The following POU1F1 variants were observed in gnomAD, a reference collection of about 807,000 sequenced individuals.
POU1F1 encodes the protein POU class 1 homeobox 1, also known as pituitary-specific positive transcription factor 1.
Under a neutral mutation model 32.3 loss-of-function variants are expected in POU1F1, and 23 were observed. That is an observed-to-expected ratio of 0.71 (90% CI 0.51 to 1.01). The LOEUF (loss-of-function observed/expected upper bound fraction) is 1.01, where lower values mean the gene tolerates loss of function less well. POU1F1 is among the 50% of genes least tolerant of loss of function. The pLI is 0.00. For synonymous variants in POU1F1, 120 were observed against 115.6 expected (o/e 1.04, Z -0.25); for missense variants, 323 against 341.6 (o/e 0.95, Z 0.43).
chr3:87,262,995 A>G (rs750479740), intron 3 of POU1F1, among the ~76,000 whole-genome samples: 3 of 152,194 alleles, frequency 2.0e-5, no homozygotes, highest in Non-Finnish European at 2.9e-5. Context: ...ACCTAAGGCT[A>G]TATACCTATA....
rs1225439995 is a variant in POU1F1 at position 87,276,534 on chromosome 3, A to G, written c.-72T>C. ...CAGAGTTTTATTATATTACTGTCTC[A>G]AAGGGCCGATTCAATTCTCACTACC... is the stretch of plus-strand genomic sequence containing the variant. On this transcript the variant is annotated 5_prime_UTR_variant, in exon 1 of 6. It removes the in-frame stop codon of an upstream open reading frame in the 5' UTR. Coordinates refer to ENST00000350375, the MANE Select transcript of POU1F1 (RefSeq NM_000306.4). 6.5e-7 allele frequency: 1 copy of G among 1,543,048 alleles called. No individual in the cohort carries two copies. The highest frequency in any genetic ancestry group is 1.4e-5 in the African/African-American group (1 of 73,142).
Position 87,259,935 on chromosome 3 carries a change from T to C in POU1F1, c.835A>G (p.Ser279Gly). The C allele has an allele frequency of 6.2e-7, 1 of 1,614,114 alleles. No homozygotes were observed. Among genetic ancestry groups the C allele is most frequent in the Middle Eastern group, 1.7e-4 (1 of 6,060 alleles). The part of the protein sequence containing the change: ...EKRVKTSLNQ[S>G]LFSISKEHLE... ...TGTTCCTTAGAAATAGAAAATAAAC[T>C]CTGATTCAGACTTGTTTTCACCCGT... The change falls in exon 6 of 6, where the codon AGT (serine) becomes GGT (glycine). Residue 279 changes from serine to glycine, a missense_variant. Ser to Gly is a moderately conservative substitution (Grantham distance 56). Transcript: ENST00000350375.
intron 2 of POU1F1, among the ~76,000 whole-genome samples, chr3:87,270,328 A>T (rs1012818999): frequency 3.3e-5 from 5 of 152,182 alleles, no homozygotes; most frequent in Non-Finnish European, 7.3e-5. Flanking sequence ...TCACTTGAAC[A>T]ATGTTAGTAA....
At chr3:87,262,986 C>A (rs887721711) in intron 3 of POU1F1, among the ~76,000 whole-genome samples, 8 of 152,016 alleles carry the variant, frequency 5.3e-5, no homozygotes, top group African/African-American at 1.9e-4. Flanking sequence ...TATTTCAGGA[C>A]CTAAGGCTAT....
In POU1F1 at chr3:87,264,341, A is replaced by T. The variant is rs928420971; in HGVS notation, c.386T>A (p.Ile129Asn). Reference protein sequence around the residue: ...EEPIDMDSPEIRELEKFANEF... With the variant: ...EEPIDMDSPENRELEKFANEF... ...ATTGGCAAACTTTTCAAGTTCTCTG[A>T]TTTCTGGAGAATCCATGTCTATTGG... The change falls in exon 3 of 6, where the codon ATC becomes AAC. Residue 129 changes from isoleucine to asparagine, a missense_variant. Ile to Asn is a moderately radical substitution (Grantham distance 149, BLOSUM62 -3). Transcript: ENST00000350375. 6.2e-7 allele frequency: 1 copy of T among 1,613,794 alleles called. No homozygotes were observed. The highest frequency in any genetic ancestry group is 8.5e-7 in the Non-Finnish European group (1 of 1,179,884).
chr3:87,273,144 CG>C (rs1033751234), intron 2 of POU1F1, among the ~76,000 whole-genome samples: 3 of 151,576 alleles, frequency 2.0e-5, no homozygotes, highest in African/African-American at 4.9e-5. Context: ...TTCAGAGATA[CG>C]TAAGTAGGGA....
At chr3:87,267,356 A>G (rs1313084571) in intron 2 of POU1F1, among the ~76,000 whole-genome samples, 10 of 152,232 alleles carry the variant, frequency 6.6e-5, no homozygotes, top group Non-Finnish European at 1.3e-4. Context: ...CCAACGAATT[A>G]ACTTTGCAGT....
intron 1 of POU1F1, among the ~76,000 whole-genome samples, chr3:87,275,820 A>G (rs1706815194): frequency 6.6e-6 from 1 of 151,970 alleles, no homozygotes; most frequent in African/African-American, 2.4e-5. Context: ...TGTTAATTAA[A>G]ACTCTATTTT....
chr3:87,261,736 A>C (rs1706517826), intron 4 of POU1F1, among the ~76,000 whole-genome samples: 1 of 152,182 alleles, frequency 6.6e-6, no homozygotes, highest in Non-Finnish European at 1.5e-5. Flanking sequence ...TAATATTAGG[A>C]TACAAATGTG....
intron 2 of POU1F1, 121 bp from the exon 3 acceptor site, chr3:87,264,633 A>G: frequency 1.3e-6 from 1 of 766,786 alleles, no homozygotes; most frequent in Non-Finnish European, 2.2e-6. Flanking sequence ...CAGTACTTAC[A>G]AGGTTACCTT....
chr3:87,265,777 G>T (rs765660144), intron 2 of POU1F1, among the ~76,000 whole-genome samples: 1 of 151,916 alleles, frequency 6.6e-6, no homozygotes, highest in Admixed American at 6.6e-5. Context: ...TAAGGTAGAA[G>T]ATGTGCCTAG....
At position 87,261,314 on chromosome 3, in the gene POU1F1, C is replaced by T; in HGVS notation, c.624G>A (p.Val208=). 1 of 1,592,754 alleles carries T rather than the reference C, an allele frequency of 6.3e-7. No individual in the cohort carries two copies. The highest frequency in any genetic ancestry group is 8.6e-7 in the Non-Finnish European group (1 of 1,164,910). Reference sequence around the variant, plus strand: ...GTTTTCTTTTCCTTTCATTTGCTCCCACTTTTTCATTGTACAAAGCTATAA... The same window carrying T: ...GTTTTCTTTTCCTTTCATTTGCTCCTACTTTTTCATTGTACAAAGCTATAA... ...EQVGALYNEK[V]GANERKRKRR... is the part of the protein sequence containing the mutation. The change falls in exon 5 of 6, where the codon GTG becomes GTA. Residue 208 remains valine (V), a synonymous_variant. Coordinates refer to ENST00000350375, the MANE Select transcript of POU1F1 (RefSeq NM_000306.4).
chr3:87,271,906 A>G (rs955233025), intron 2 of POU1F1, among the ~76,000 whole-genome samples: 3 of 152,186 alleles, frequency 2.0e-5, no homozygotes, highest in African/African-American at 4.8e-5. Context: ...GTTGCTTGAT[A>G]GAATGTAGGA....
intron 2 of POU1F1, among the ~76,000 whole-genome samples, chr3:87,270,915 T>C (rs1196995313): frequency 6.6e-6 from 1 of 152,106 alleles, no homozygotes; most frequent in Admixed American, 6.6e-5. Flanking sequence ...TATGTCCCAA[T>C]ATAGACATTC....
intron 2 of POU1F1, among the ~76,000 whole-genome samples, chr3:87,268,027 T>A (rs1287726034): frequency 6.6e-6 from 1 of 150,714 alleles, no homozygotes; most frequent in Non-Finnish European, 1.5e-5. Flanking sequence ...AGGTTTGGCA[T>A]CCAGAACAAG....
chr3:87,266,499 T>A (rs1032883562), intron 2 of POU1F1, among the ~76,000 whole-genome samples: 2 of 151,152 alleles, frequency 1.3e-5, no homozygotes, highest in African/African-American at 4.8e-5. Flanking sequence ...TAAATTTATC[T>A]GCTCTAAAGC....
intron 1 of POU1F1, among the ~76,000 whole-genome samples, chr3:87,274,214 A>C (rs752931848): frequency 3.3e-5 from 5 of 152,176 alleles, no homozygotes; most frequent in Non-Finnish European, 5.9e-5. Context: ...ATAAATGGTT[A>C]TATGCTTCAG....
At chr3:87,266,366 T>C (rs1297468467) in intron 2 of POU1F1, among the ~76,000 whole-genome samples, 3 of 147,280 alleles carry the variant, frequency 2.0e-5, no homozygotes, top group African/African-American at 4.9e-5. Flanking sequence ...ATTATAAATA[T>C]ATAATTATAA....
rs778499770 is a variant in POU1F1 at position 87,276,500 on chromosome 3, T to C, written c.-38A>G. 6.2e-7 allele frequency: 1 copy of C among 1,607,884 alleles called. No individual in the cohort carries two copies. Among genetic ancestry groups the C allele is most frequent in the South Asian group, 1.1e-5 (1 of 90,432 alleles). ...GTAGAAAAATAAGGAGAACCGCTGC[T>C]CCCCAAATCAGAGTTTTATTATATT... On this transcript the variant is annotated 5_prime_UTR_variant, in exon 1 of 6. Transcript: ENST00000350375.
Sources: gnomAD v4.1 joint callset for allele counts (sites outside exome capture counted in the v4.1 genomes callset) on GRCh38, gnomAD v4.1.1 for gene constraint, MANE v1.5 for transcripts, NCBI Gene and HGNC (gene_info 2026-07-23, HGNC 2026-07-21) for gene names.